Variants in EXOC6B observed in about 807,000 individuals in gnomAD.
EXOC6B encodes SEC15 homolog B.
Under a neutral mutation model 113.5 loss-of-function variants are expected in EXOC6B, and 54 were observed. That is an observed-to-expected ratio of 0.48 (90% CI 0.38 to 0.60). The LOEUF (loss-of-function observed/expected upper bound fraction) is 0.60, where lower values mean the gene tolerates loss of function less well. Ranked by LOEUF, EXOC6B falls within the 20% of genes least tolerant of loss-of-function variation. The probability of loss-of-function intolerance (pLI) is 0.00; values close to 1 mark genes in which losing one functional copy is unlikely to be tolerated. For synonymous variants in EXOC6B, 357 were observed against 339.0 expected (o/e 1.05, Z -0.58); for missense variants, 797 against 977.5 (o/e 0.82, Z 2.46).
At chr2:72,594,284 G>C (rs947215371) in intron 6 of EXOC6B, among the ~76,000 whole-genome samples, 2 of 152,068 alleles carry the variant, frequency 1.3e-5, no homozygotes, top group Non-Finnish European at 2.9e-5. Flanking sequence ...CAACCACTCT[G>C]TATTAAACAT....
chr2:72,825,439 GTAGT>G lies in EXOC6B; in HGVS notation c.113+355_113+358del, dbSNP rs1261550950. Among the ~76,000 whole-genome samples the G allele has an allele frequency of 6.6e-6, 1 of 152,246 alleles. No individual in the cohort carries two copies. Among genetic ancestry groups the G allele is most frequent in the African/African-American group, 2.4e-5 (1 of 41,472 alleles). On this transcript the variant is annotated intron_variant, in intron 1 of 21. Transcript: ENST00000272427. The surrounding 1 kb of genome is among the most constrained non-coding windows in gnomAD (Gnocchi z 4.4). Reference sequence around the variant, plus strand: ...GCAGGACTCCTGTCTAGGGCAGGACGTAGTTAGAGACGGAGGGAGAAGGGTGATG... The same window carrying G: ...GCAGGACTCCTGTCTAGGGCAGGACGTAGAGACGGAGGGAGAAGGGTGATG...
intron 6 of EXOC6B, among the ~76,000 whole-genome samples, chr2:72,691,197 T>C (rs1251156867): frequency 6.6e-6 from 1 of 152,102 alleles, no homozygotes; most frequent in Non-Finnish European, 1.5e-5. Flanking sequence ...AGTTATGCTA[T>C]CACAAATCAA....
At chr2:72,692,818 T>C (rs2104595909) in intron 6 of EXOC6B, among the ~76,000 whole-genome samples, 1 of 152,304 alleles carries the variant, frequency 6.6e-6, no homozygotes, top group East Asian at 1.9e-4. Context: ...GTGCAAAATA[T>C]TCTACAAAAG....
At chr2:72,412,153 A>G (rs1192016150) in intron 18 of EXOC6B, among the ~76,000 whole-genome samples, 1 of 152,156 alleles carries the variant, frequency 6.6e-6, no homozygotes, top group Non-Finnish European at 1.5e-5. Flanking sequence ...TAAAAAGATA[A>G]AAATCTCAAC....
At position 72,703,597 on chromosome 2, in the gene EXOC6B, C is replaced by A. The variant is rs578188771; in HGVS notation, c.669+14506G>T. 5.5e-4 allele frequency among the ~76,000 whole-genome samples: 8 copies of A among 14,430 alleles called. No homozygotes were observed. In the South Asian group the frequency reaches 9.4e-3, roughly 17 times the overall value. The allele number at this position is 14,430 out of a possible 152,430, so 9.5% of individuals were successfully genotyped here. A position where few individuals can be genotyped will look rare whatever the true frequency, so the allele number is the denominator to read the frequency against. On this transcript the variant is annotated intron_variant, in intron 6 of 21. Coordinates refer to ENST00000272427, the MANE Select transcript of EXOC6B (RefSeq NM_015189.3). Reference sequence around the variant, plus strand: ...ATTTGTTTGTATCCTCTTTTATTTCCTTGAGCAGTGGTTTGTAGTTCTCCT... The same window carrying A: ...ATTTGTTTGTATCCTCTTTTATTTCATTGAGCAGTGGTTTGTAGTTCTCCT...
intron 20 of EXOC6B, among the ~76,000 whole-genome samples, chr2:72,294,811 ACTT>A (rs1285718826): frequency 2.0e-5 from 3 of 152,106 alleles, no homozygotes; most frequent in Admixed American, 6.5e-5. Flanking sequence ...TCTATTCCAC[ACTT>A]CTTCTCATTT....
chr2:72,786,326 T>C (rs1684376307), intron 1 of EXOC6B, among the ~76,000 whole-genome samples: 1 of 152,182 alleles, frequency 6.6e-6, no homozygotes, highest in Non-Finnish European at 1.5e-5. Context: ...ACAAAAACTA[T>C]ACCATAATTC....
At chr2:72,696,652 T>C (rs1677905587) in intron 6 of EXOC6B, among the ~76,000 whole-genome samples, 2 of 152,286 alleles carry the variant, frequency 1.3e-5, no homozygotes, top group Admixed American at 6.5e-5. Context: ...CATGCAATGA[T>C]GAAGCAGTTT....
intron 20 of EXOC6B, among the ~76,000 whole-genome samples, chr2:72,295,575 T>C (rs926043821): frequency 2.0e-5 from 3 of 152,204 alleles, no homozygotes; most frequent in Admixed American, 6.5e-5. Flanking sequence ...TGAGTGTTTA[T>C]ATGAATAGAT....
At chr2:72,428,114 C>T (rs1037621051) in intron 18 of EXOC6B, among the ~76,000 whole-genome samples, 1 of 152,206 alleles carries the variant, frequency 6.6e-6, no homozygotes, top group Non-Finnish European at 1.5e-5. Flanking sequence ...AGAAAAGCTC[C>T]TCTTCCTCTT....
chr2:72,234,083 C>CTTTT (rs34660222), intron 20 of EXOC6B, among the ~76,000 whole-genome samples: 11 of 131,872 alleles, frequency 8.3e-5, no homozygotes, highest in African/African-American at 3.0e-4. Flanking sequence ...TGGACCGCCT[C>CTTTT]TTTTTTTTTT....
At chr2:72,506,026 G>A (rs1450439693) in intron 11 of EXOC6B, among the ~76,000 whole-genome samples, 3 of 151,954 alleles carry the variant, frequency 2.0e-5, no homozygotes, top group Admixed American at 6.6e-5. Context: ...GCTGGATTCT[G>A]TTTTTAATAT....
At chr2:72,794,436 G>A (rs1684838310) in intron 1 of EXOC6B, among the ~76,000 whole-genome samples, 1 of 152,048 alleles carries the variant, frequency 6.6e-6, no homozygotes, top group Admixed American at 6.6e-5. Flanking sequence ...ATATTACCCA[G>A]ATATCTTGAG....
intron 8 of EXOC6B, among the ~76,000 whole-genome samples, chr2:72,537,219 T>C (rs1702345289): frequency 6.6e-6 from 1 of 152,132 alleles, no homozygotes; most frequent in South Asian, 2.1e-4. Flanking sequence ...CTGACTTTAC[T>C]GGGAATCCCT....
At chr2:72,278,234 T>C (rs1684920250) in intron 20 of EXOC6B, among the ~76,000 whole-genome samples, 1 of 152,186 alleles carries the variant, frequency 6.6e-6, no homozygotes, top group Non-Finnish European at 1.5e-5. Flanking sequence ...ACAGGGATCA[T>C]ATGAGACTAG....
At chr2:72,666,966 G>A (rs560361416) in intron 6 of EXOC6B, among the ~76,000 whole-genome samples, 6 of 151,984 alleles carry the variant, frequency 3.9e-5, no homozygotes, top group Admixed American at 1.3e-4. Flanking sequence ...GGGTTCAAGC[G>A]ATTCTCCTGC....
intron 7 of EXOC6B, among the ~76,000 whole-genome samples, chr2:72,574,261 T>A (rs1704691499): frequency 6.6e-6 from 1 of 152,080 alleles, no homozygotes; most frequent in African/African-American, 2.4e-5. Context: ...ACTTTTGAAG[T>A]CAAAGAGGAA....
At chr2:72,235,645 AG>A (rs1330158482) in intron 20 of EXOC6B, among the ~76,000 whole-genome samples, 2 of 152,204 alleles carry the variant, frequency 1.3e-5, no homozygotes, top group African/African-American at 4.8e-5. Flanking sequence ...ACATAAGAAT[AG>A]GTGTATGGGA....
At chr2:72,644,416 CA>C (rs1300736700) in intron 6 of EXOC6B, among the ~76,000 whole-genome samples, 1 of 152,116 alleles carries the variant, frequency 6.6e-6, no homozygotes, top group Non-Finnish European at 1.5e-5. Context: ...GGCCAACATT[CA>C]AATTCAGAAA....
Sources: allele counts gnomAD v4.1 joint callset (sites outside exome capture counted in the v4.1 genomes callset), GRCh38; gene constraint gnomAD v4.1.1; non-coding constraint Gnocchi (gnomAD v3.1); transcripts MANE v1.5; gene names NCBI Gene and HGNC (gene_info 2026-07-23, HGNC 2026-07-21).